HDGFL3: variants seen among roughly 807,000 people sequenced by gnomAD.
HDGFL3 encodes HDGF like 3.
Under a neutral mutation model 27.6 loss-of-function variants are expected in HDGFL3, and 6 were observed. The ratio of observed to expected loss-of-function variants is 0.22; its 90% CI spans 0.12 to 0.43. HDGFL3 has a LOEUF of 0.43. HDGFL3 is among the 20% of genes least tolerant of loss of function. The pLI, the probability that HDGFL3 is intolerant of heterozygous loss-of-function variation, is 1.00. For synonymous variants in HDGFL3, 88 were observed against 88.9 expected, an observed-to-expected ratio of 0.99 and a Z score of 0.05; for missense variants, 207 against 250.1, an observed-to-expected ratio of 0.83 and a Z score of 1.16.
Position 83,157,645 on chromosome 15 carries a change from ACT to A in HDGFL3, c.301-74_301-73del. 6 of 1,369,592 alleles carry A rather than the reference ACT, an allele frequency of 4.4e-6. No homozygotes were observed. In the East Asian group the frequency reaches 1.2e-4, roughly 26 times the overall value. 84.8% of individuals were successfully genotyped at this position (1,369,592 alleles called of 1,614,324 possible). On this transcript the variant is annotated intron_variant, in intron 3 of 5. Coordinates refer to ENST00000299633, the MANE Select transcript of HDGFL3 (RefSeq NM_016073.4). The stretch of plus-strand genomic sequence containing the variant: ...CAAAGAACAAACACTGAAAAGAACT[ACT>A]CTGTTTTCATTTGAAAGGGTTCCGC...
chr15:83,117,645 G>T (rs55738498), intron 3 of HDGFL3, among the ~76,000 whole-genome samples: 1,799 of 152,144 alleles, frequency 0.012, 35 homozygotes, highest in African/African-American at 0.041. Flanking sequence ...GGCAGACGGG[G>T]TATCAGAAGG....
rs2036055596 is a variant in HDGFL3, at chr15:83,129,513, G to A, written c.*9757C>T. The A allele has an allele frequency of 6.6e-6, 1 of 152,146 alleles. No homozygotes were observed. Among genetic ancestry groups the A allele is most frequent in the Admixed American group, 6.5e-5 (1 of 15,272 alleles). The allele number at this position is 152,146 out of a possible 1,614,324, so 9.4% of individuals were successfully genotyped here. A position where few individuals can be genotyped will look rare whatever the true frequency, so the allele number is the denominator to read the frequency against. ...GGGAAAAAAACCCCAATTTAAAGAT[G>A]AGGAGGCTGAGGCTCAGTCCACCTG... On this transcript the variant is annotated 3_prime_UTR_variant, in exon 6 of 6. Transcript: ENST00000299633.
At chr15:83,124,168 A>C (rs2035521882), downstream of HDGFL3, among the ~76,000 whole-genome samples, 1 of 152,202 alleles carries the variant, frequency 6.6e-6, no homozygotes, top group Non-Finnish European at 1.5e-5. Context: ...GAAAGTGCTT[A>C]TAATATAGGC....
chr15:83,146,405 C>G (rs2036893185), intron 5 of HDGFL3, among the ~76,000 whole-genome samples: 1 of 152,164 alleles, frequency 6.6e-6, no homozygotes, highest in African/African-American at 2.4e-5. Context: ...ACTAGTAGCA[C>G]CTGCACTGTC....
At chr15:83,158,139 C>A in intron 2 of HDGFL3, 98 bp from the exon 3 acceptor site, 1 of 1,012,630 alleles carries the variant, frequency 9.9e-7, no homozygotes, top group Non-Finnish European at 1.4e-6. Flanking sequence ...CATACTATAG[C>A]AAACAAATCT....
chr15:83,158,780 GAA>G (rs890580728), intron 2 of HDGFL3, among the ~76,000 whole-genome samples: 1 of 152,122 alleles, frequency 6.6e-6, no homozygotes, highest in African/African-American at 2.4e-5. Context: ...GGAGGTCTTG[GAA>G]TGTATCCCCT....
chr15:83,136,652 G>T lies in HDGFL3; in HGVS notation c.*2618C>A. 1 of 1,593,826 alleles carries T rather than the reference G, an allele frequency of 6.3e-7. No individual in the cohort carries two copies. Among genetic ancestry groups the T allele is most frequent in the Non-Finnish European group, 8.5e-7 (1 of 1,174,878 alleles). The stretch of plus-strand genomic sequence containing the variant: ...ACCAGAGTTCTTCATAAAAACAAAG[G>T]CAGAAGAAAAAGTGGAATAAAAATA... On this transcript the variant is annotated 3_prime_UTR_variant, in exon 6 of 6. Coordinates refer to ENST00000299633, the MANE Select transcript of HDGFL3 (RefSeq NM_016073.4).
chr15:83,154,950 G>A (rs1596550391), intron 4 of HDGFL3, among the ~76,000 whole-genome samples: 1 of 151,808 alleles, frequency 6.6e-6, no homozygotes, highest in Admixed American at 6.6e-5. Context: ...CTCAGTACTC[G>A]CCTGGACTCC....
intron 4 of HDGFL3, among the ~76,000 whole-genome samples, chr15:83,151,874 T>C (rs1436341641): frequency 3.3e-5 from 5 of 152,222 alleles, no homozygotes; most frequent in African/African-American, 9.6e-5. Context: ...TTGATAAAAC[T>C]GTTTGATATA....
chr15:83,145,170 C>G (rs2036865396), intron 5 of HDGFL3, among the ~76,000 whole-genome samples: 1 of 152,032 alleles, frequency 6.6e-6, no homozygotes, highest in African/African-American at 2.4e-5. Flanking sequence ...TCATTATGCC[C>G]TTTATCCTAG....
intron 3 of HDGFL3, among the ~76,000 whole-genome samples, chr15:83,116,591 G>A (rs1165463245): frequency 6.6e-6 from 1 of 152,214 alleles, no homozygotes; most frequent in Non-Finnish European, 1.5e-5. Context: ...TCCTGTCTGT[G>A]AGGGAAGATT....
intron 1 of HDGFL3, among the ~76,000 whole-genome samples, chr15:83,179,611 A>T (rs1175128008): frequency 6.6e-6 from 1 of 152,240 alleles, no homozygotes; most frequent in East Asian, 1.9e-4. Context: ...CTACTTCCTT[A>T]GTCCAATCAA....
intron 1 of HDGFL3, among the ~76,000 whole-genome samples, chr15:83,203,644 A>C (rs1306677168): frequency 6.6e-6 from 1 of 152,080 alleles, no homozygotes; most frequent in Non-Finnish European, 1.5e-5. Flanking sequence ...CAAATCTCAC[A>C]AGAAGCAGGC....
intron 4 of HDGFL3, among the ~76,000 whole-genome samples, chr15:83,153,156 C>T (rs1010702200): frequency 1.3e-5 from 2 of 151,948 alleles, no homozygotes; most frequent in African/African-American, 4.8e-5. Flanking sequence ...CCTGCCACCA[C>T]GCCCGGCTAA....
chr15:83,146,418 C>T (rs1039150015), intron 5 of HDGFL3, among the ~76,000 whole-genome samples: 2 of 152,196 alleles, frequency 1.3e-5, no homozygotes, highest in East Asian at 1.9e-4. Context: ...GCACTGTCAT[C>T]GGCAACTACT....
chr15:83,164,143 A>G, intron 1 of HDGFL3, 68 bp from the exon 2 acceptor site: 1 of 890,956 alleles, frequency 1.1e-6, no homozygotes, highest in Admixed American at 2.7e-5. Flanking sequence ...TTGTTCTGAT[A>G]ATTTACTGCT....
Position 83,163,989 on chromosome 15 carries a change from G to A in HDGFL3, c.161+10C>T. On this transcript the variant is annotated intron_variant, in intron 2 of 5. Transcript: ENST00000299633. Reference sequence around the variant, plus strand: ...AGCTAGAGCTGTTGAAACTATTTTTGCTAACTTACGTTTCATGGGTGCCAA... The same window carrying A: ...AGCTAGAGCTGTTGAAACTATTTTTACTAACTTACGTTTCATGGGTGCCAA... 1 of 1,602,862 alleles carries A rather than the reference G, an allele frequency of 6.2e-7. No homozygotes were observed. The highest frequency in any genetic ancestry group is 2.2e-5 in the East Asian group (1 of 44,740).
chr15:83,153,071 T>TG (rs1194308052), intron 4 of HDGFL3, among the ~76,000 whole-genome samples: 2 of 150,450 alleles, frequency 1.3e-5, no homozygotes, highest in Admixed American at 6.7e-5. Context: ...CTCGGCTCAC[T>TG]GCAAGCTCCG....
chr15:83,198,032 G>T (rs1410339931), intron 1 of HDGFL3, among the ~76,000 whole-genome samples: 3 of 105,594 alleles, frequency 2.8e-5, no homozygotes, highest in Non-Finnish European at 5.0e-5. Flanking sequence ...CCAGCCTGGG[G>T]TGACAGAGAG....
Sources: allele counts gnomAD v4.1 joint callset (sites outside exome capture counted in the v4.1 genomes callset), GRCh38; gene constraint gnomAD v4.1.1; transcripts MANE v1.5; gene names NCBI Gene and HGNC (gene_info 2026-07-23, HGNC 2026-07-21).